Variants in LOC400499 observed in about 807,000 individuals in gnomAD.
At chr16:11,393,530 G>C in the LOC400499 span, 4 of 1,232,430 alleles carry the variant, frequency 3.2e-6, no homozygotes, top group South Asian at 1.6e-4. Flanking sequence ...GGCCCAGTAG[G>C]CCAACCCGCT....
At chr16:11,398,578 G>A in the LOC400499 span, 10 of 1,165,094 alleles carry the variant, frequency 8.6e-6, no homozygotes, top group Non-Finnish European at 9.7e-6. Flanking sequence ...GCTGCAGTTG[G>A]AGACCCTCAC....
the LOC400499 span, among the ~76,000 whole-genome samples, chr16:11,489,502 A>AT: frequency 8.2e-4 from 76 of 92,928 alleles, no homozygotes; most frequent in Non-Finnish European, 2.3e-4. Context: ...ACTGAATCCA[A>AT]CGGGAATATT....
the LOC400499 span, among the ~76,000 whole-genome samples, chr16:11,488,041 C>G: frequency 1.3e-5 from 2 of 151,418 alleles, no homozygotes; most frequent in African/African-American, 4.9e-5. Flanking sequence ...CACTTGAACC[C>G]TGGAGGCAGA....
the LOC400499 span, among the ~76,000 whole-genome samples, chr16:11,377,722 A>T: frequency 1.3e-5 from 2 of 152,246 alleles, no homozygotes; most frequent in South Asian, 4.1e-4. Flanking sequence ...TTTTGTTGAG[A>T]ACTTTTGCAT....
At chr16:11,453,038 A>AAG in the LOC400499 span, among the ~76,000 whole-genome samples, 1 of 151,824 alleles carries the variant, frequency 6.6e-6, no homozygotes, top group Admixed American at 6.6e-5. Flanking sequence ...TTCTCCTGGG[A>AAG]TCCTTTTTAC....
the LOC400499 span, among the ~76,000 whole-genome samples, chr16:11,482,485 T>G: frequency 6.6e-6 from 1 of 152,200 alleles, no homozygotes; most frequent in African/African-American, 2.4e-5. Flanking sequence ...CTAATAAACT[T>G]GACTTCATGA....
the LOC400499 span, among the ~76,000 whole-genome samples, chr16:11,519,894 G>C: frequency 8.2e-4 from 125 of 152,000 alleles, no homozygotes; most frequent in African/African-American, 2.9e-3. Flanking sequence ...GTAGAGACAG[G>C]GTTTTTCCAT....
the LOC400499 span, among the ~76,000 whole-genome samples, chr16:11,416,946 C>T: frequency 2.0e-5 from 3 of 152,106 alleles, no homozygotes; most frequent in African/African-American, 4.8e-5. Flanking sequence ...CTTTGACTTT[C>T]ACCCTGTGTG....
At chr16:11,385,104 C>G in the LOC400499 span, 3 of 1,232,098 alleles carry the variant, frequency 2.4e-6, no homozygotes, top group Non-Finnish European at 1.0e-6. Context: ...GTCTGACCCA[C>G]AGCCAGGTGA....
chr16:11,383,570 G>A, the LOC400499 span: 1 of 1,220,160 alleles, frequency 8.2e-7, no homozygotes, highest in Non-Finnish European at 1.0e-6. Flanking sequence ...GAGAGAAAGG[G>A]ACTGGTTTTC....
chr16:11,404,564 C>G, the LOC400499 span: 1 of 392,978 alleles, frequency 2.5e-6, no homozygotes, highest in Non-Finnish European at 4.5e-6. Flanking sequence ...CCAGGCTGGT[C>G]TCAAACTCCT....
chr16:11,416,901 T>G, the LOC400499 span, among the ~76,000 whole-genome samples: 3 of 151,882 alleles, frequency 2.0e-5, no homozygotes, highest in South Asian at 4.2e-4. Context: ...GGGGGAAGGG[T>G]GTGGATTCTG....
the LOC400499 span, among the ~76,000 whole-genome samples, chr16:11,412,537 C>A: frequency 6.6e-6 from 1 of 152,218 alleles, no homozygotes; most frequent in South Asian, 2.1e-4. Flanking sequence ...CGTAAGAGCA[C>A]CAAGCGCCTC....
chr16:11,423,843 T>A, the LOC400499 span, among the ~76,000 whole-genome samples: 1 of 152,152 alleles, frequency 6.6e-6, no homozygotes, highest in East Asian at 1.9e-4. Context: ...GCCTGGCCCA[T>A]GTGGGCACCC....
At chr16:11,487,470 C>T in the LOC400499 span, 1 of 397,922 alleles carries the variant, frequency 2.5e-6, no homozygotes, top group Non-Finnish European at 4.4e-6. Flanking sequence ...TACCCTGAGA[C>T]AGGGCCAGAT....
At chr16:11,439,618 C>CAG in the LOC400499 span, 3 of 398,932 alleles carry the variant, frequency 7.5e-6, no homozygotes, top group South Asian at 1.3e-4. Flanking sequence ...TCAGAGGGAA[C>CAG]AGAGAGAGAG....
the LOC400499 span, chr16:11,523,358 G>T: frequency 2.5e-6 from 1 of 398,638 alleles, no homozygotes; most frequent in Admixed American, 4.4e-5. Context: ...ATTGGGCCCT[G>T]TACTGGGCTC....
At chr16:11,487,146 G>A in the LOC400499 span, 4 of 397,556 alleles carry the variant, frequency 1.0e-5, no homozygotes, top group Middle Eastern at 6.3e-4. Flanking sequence ...TATTAGGGGA[G>A]GAGATTGAAC....
At chr16:11,521,498 C>G in the LOC400499 span, among the ~76,000 whole-genome samples, 2 of 152,204 alleles carry the variant, frequency 1.3e-5, no homozygotes, top group African/African-American at 4.8e-5. Flanking sequence ...TAACCTGAGG[C>G]TGTGGACCCA....
Sources: gnomAD v4.1 joint callset for allele counts (sites outside exome capture counted in the v4.1 genomes callset) on GRCh38, gnomAD v4.1.1 for gene constraint, MANE v1.5 for transcripts.